GATB: variants seen among roughly 807,000 people sequenced by gnomAD.
GATB encodes glutamyl-tRNA amidotransferase subunit B.
In GATB, 39 loss-of-function variants were observed where a neutral mutation model predicts 62.3. The observed-to-expected ratio is 0.63, with a 90% CI of 0.48 to 0.82. GATB has a LOEUF of 0.82. Among genes scored for constraint, GATB ranks in the 40% least tolerant of loss-of-function variants. GATB has a pLI of 0.00. For synonymous variants in GATB, 276 were observed against 258.9 expected (o/e 1.07, Z -0.63); for missense variants, 670 against 684.0 (o/e 0.98, Z 0.23).
chr4:151,705,158 T>G (rs1236940788), intron 7 of GATB, 27 bp downstream of exon 7: 4 of 1,554,076 alleles, frequency 2.6e-6, no homozygotes, highest in Non-Finnish European at 3.6e-6. Context: ...CCGGCTGTGG[T>G]CAGGACGCTC....
chr4:151,742,403 A>C (rs1739510150), intron 2 of GATB, among the ~76,000 whole-genome samples: 1 of 152,172 alleles, frequency 6.6e-6, no homozygotes, highest in Non-Finnish European at 1.5e-5. Context: ...GGATATCTTA[A>C]TGGGACAGGG....
intron 2 of GATB, among the ~76,000 whole-genome samples, chr4:151,748,589 G>C (rs1474684878): frequency 6.6e-6 from 1 of 152,066 alleles, no homozygotes; most frequent in African/African-American, 2.4e-5. Context: ...TACCATTCAG[G>C]ACATAGGCAT....
chr4:151,736,756 A>G (rs1012759335), intron 2 of GATB, among the ~76,000 whole-genome samples: 1 of 152,028 alleles, frequency 6.6e-6, no homozygotes, highest in African/African-American at 2.4e-5. Context: ...GTGGGAGGTA[A>G]TTGAATCATG....
chr4:151,692,731 C>T (rs146616052), intron 9 of GATB, among the ~76,000 whole-genome samples: 6 of 152,312 alleles, frequency 3.9e-5, no homozygotes, highest in South Asian at 2.1e-4. Flanking sequence ...AAAGGTCCTG[C>T]GAGCACACCC....
chr4:151,688,178 G>C (rs117635164), intron 10 of GATB, among the ~76,000 whole-genome samples: 1 of 152,048 alleles, frequency 6.6e-6, no homozygotes, highest in African/African-American at 2.4e-5. Flanking sequence ...ACTGCAGAGC[G>C]ACTCTCCCCT....
intron 2 of GATB, among the ~76,000 whole-genome samples, chr4:151,758,162 C>A (rs1198290257): frequency 6.6e-6 from 1 of 152,110 alleles, no homozygotes; most frequent in Non-Finnish European, 1.5e-5. Context: ...TTGCAATAAC[C>A]ACAATCATTA....
intron 9 of GATB, among the ~76,000 whole-genome samples, chr4:151,689,824 C>A (rs1409685876): frequency 6.6e-6 from 1 of 152,144 alleles, no homozygotes; most frequent in Non-Finnish European, 1.5e-5. Context: ...CCCTGAGGCA[C>A]TTACCAGGTT....
At position 151,672,850 on chromosome 4, in the gene GATB, A is replaced by G. The variant is rs769121413; in HGVS notation, c.1457T>C (p.Ile486Thr). 4.2e-5 allele frequency: 67 copies of G among 1,614,074 alleles called. No homozygotes were observed. Among genetic ancestry groups the G allele is most frequent in the Non-Finnish European group, 5.3e-5 (63 of 1,180,020 alleles). The stretch of plus-strand genomic sequence containing the variant: ...CAGTTCAAGCTGCTTTTCTGAAACA[A>G]TCTGCCCTGGAGTCTTGCCTTCCCT... ...WKREGKTPGQ[I>T]VSEKQLELMQ... The change falls in exon 12 of 13, where the codon ATT becomes ACT. Residue 486 changes from isoleucine to threonine, a missense_variant. Physicochemically the swap from Ile to Thr is moderately conservative, Grantham distance 89 (BLOSUM62 -1). Transcript: ENST00000263985.
chr4:151,682,352 G>C (rs1738156820), intron 10 of GATB, among the ~76,000 whole-genome samples: 1 of 152,134 alleles, frequency 6.6e-6, no homozygotes, highest in Non-Finnish European at 1.5e-5. Flanking sequence ...CTGTCACACA[G>C]ACCCCGAAAG....
intron 2 of GATB, among the ~76,000 whole-genome samples, chr4:151,749,079 A>G (rs530277077): frequency 6.6e-6 from 1 of 152,230 alleles, no homozygotes; most frequent in African/African-American, 2.4e-5. Flanking sequence ...AACTAGTTCA[A>G]CCATTGTGGA....
intron 2 of GATB, 95 bp downstream of exon 2, chr4:151,758,677 G>A: frequency 9.4e-7 from 1 of 1,061,130 alleles, no homozygotes. Flanking sequence ...TATTTCCAAA[G>A]AGTTGTGTTA....
At chr4:151,693,815 G>C (rs1738416961) in intron 9 of GATB, among the ~76,000 whole-genome samples, 1 of 152,208 alleles carries the variant, frequency 6.6e-6, no homozygotes, top group Non-Finnish European at 1.5e-5. Flanking sequence ...TCAGGCACCA[G>C]TTCCATTTAG....
intron 2 of GATB, among the ~76,000 whole-genome samples, chr4:151,758,088 TG>T (rs955960086): frequency 6.6e-6 from 1 of 152,196 alleles, no homozygotes; most frequent in African/African-American, 2.4e-5. Flanking sequence ...AGTGGTTAAG[TG>T]AGTACAATAG....
At chr4:151,735,555 T>A (rs572903211) in intron 2 of GATB, among the ~76,000 whole-genome samples, 1 of 151,192 alleles carries the variant, frequency 6.6e-6, no homozygotes, top group Non-Finnish European at 1.5e-5. Flanking sequence ...GAACTAAAAG[T>A]AGAACTACCA....
chr4:151,727,394 T>C (rs1739157506), intron 2 of GATB, among the ~76,000 whole-genome samples: 2 of 152,238 alleles, frequency 1.3e-5, no homozygotes, highest in African/African-American at 2.4e-5. Context: ...CACTTTGGGA[T>C]TGGAGGCCAA....
chr4:151,750,483 G>T (rs1008227136), intron 2 of GATB, among the ~76,000 whole-genome samples: 1 of 152,098 alleles, frequency 6.6e-6, no homozygotes, highest in African/African-American at 2.4e-5. Context: ...CAATGATACA[G>T]TGTACTTGTT....
intron 2 of GATB, among the ~76,000 whole-genome samples, chr4:151,725,964 C>A (rs953119567): frequency 1.3e-5 from 2 of 152,166 alleles, no homozygotes; most frequent in African/African-American, 4.8e-5. Flanking sequence ...ATTGAGGTGA[C>A]ATGGCAAGAC....
chr4:151,759,084 T>TA (rs1290695646), intron 1 of GATB, among the ~76,000 whole-genome samples, 162 bp from the exon 2 acceptor site: 1 of 152,196 alleles, frequency 6.6e-6, no homozygotes, highest in African/African-American at 2.4e-5. Context: ...AGTGACTAAA[T>TA]AAAAAACAAT....
At chr4:151,712,627 T>C (rs527507207) in intron 5 of GATB, among the ~76,000 whole-genome samples, 104 of 152,058 alleles carry the variant, frequency 6.8e-4, no homozygotes, top group African/African-American at 2.5e-3. Context: ...TCACTGAAAA[T>C]AACAAGGTTT....
Sources: allele counts gnomAD v4.1 joint callset (sites outside exome capture counted in the v4.1 genomes callset), GRCh38; gene constraint gnomAD v4.1.1; transcripts MANE v1.5; gene names NCBI Gene and HGNC (gene_info 2026-07-23, HGNC 2026-07-21).